Variants in CASP9 observed in about 807,000 individuals in gnomAD.
CASP9 encodes caspase-9.
In CASP9, 29 loss-of-function variants were observed where a neutral mutation model predicts 43.5. That is an observed-to-expected ratio of 0.67 (90% CI 0.50 to 0.91). CASP9 has a LOEUF of 0.91. CASP9 is among the 40% of genes least tolerant of loss of function. The probability of loss-of-function intolerance (pLI) is 0.00; values close to 1 mark genes in which losing one functional copy is unlikely to be tolerated. For missense variants in CASP9, 575 were observed against 537.4 expected (o/e 1.07, Z -0.69); for synonymous variants, 206 against 211.9 (o/e 0.97, Z 0.24).
Position 15,491,532 on chromosome 1 carries a change from C to T in CASP9, c.*1411G>A. 1 of 555,256 alleles carries T rather than the reference C, an allele frequency of 1.8e-6. No individual in the cohort carries two copies. The highest frequency in any genetic ancestry group is 3.2e-6 in the Non-Finnish European group (1 of 316,404). 34.4% of individuals were successfully genotyped at this position (555,256 alleles called of 1,614,324 possible). On this transcript the variant is annotated 3_prime_UTR_variant, in exon 9 of 9. Coordinates refer to ENST00000333868, the MANE Select transcript of CASP9 (RefSeq NM_001229.5). The stretch of plus-strand genomic sequence containing the variant: ...CTGCACTTTGGGAGGCTAAGGCAGG[C>T]TGATCGCTTGAGTCCAGGAGTTCAA...
intron 4 of CASP9, among the ~76,000 whole-genome samples, chr1:15,506,514 A>G (rs1460310169): frequency 6.6e-6 from 1 of 151,690 alleles, no homozygotes; most frequent in African/African-American, 2.4e-5. Flanking sequence ...TGGGCAGAGC[A>G]CTTTCTCGGT....
intron 4 of CASP9, among the ~76,000 whole-genome samples, 161 bp downstream of exon 4, chr1:15,506,738 C>T (rs567023146): frequency 7.4e-4 from 113 of 152,306 alleles, no homozygotes; most frequent in Non-Finnish European, 9.4e-4. Context: ...CGGACTTCTG[C>T]GTCTGAACTT....
At chr1:15,499,958 C>A (rs1003463762) in intron 6 of CASP9, among the ~76,000 whole-genome samples, 2 of 152,106 alleles carry the variant, frequency 1.3e-5, no homozygotes, top group Non-Finnish European at 2.9e-5. Context: ...GAGGTCCTGG[C>A]AGGACTTGTG....
At chr1:15,500,163 GAA>G (rs1005026981) in intron 6 of CASP9, among the ~76,000 whole-genome samples, 1 of 150,694 alleles carries the variant, frequency 6.6e-6, no homozygotes, top group Non-Finnish European at 1.5e-5. Context: ...ACATACTGCA[GAA>G]AAAAAAAGAG....
At chr1:15,508,028 C>G (rs1435046106) in intron 2 of CASP9, 121 bp from the exon 3 acceptor site, 12 of 960,878 alleles carry the variant, frequency 1.2e-5, no homozygotes, top group South Asian at 2.8e-5. Flanking sequence ...TCAGACTCTG[C>G]TGGTGGGAGA....
chr1:15,500,484 C>T (rs1351301514), intron 6 of CASP9, among the ~76,000 whole-genome samples: 9 of 152,192 alleles, frequency 5.9e-5, no homozygotes, highest in African/African-American at 2.2e-4. Context: ...ACAGCTAAAG[C>T]TCAGAAACCA....
chr1:15,508,046 T>C (rs1709592283), intron 2 of CASP9, 139 bp from the exon 3 acceptor site: 6 of 774,694 alleles, frequency 7.7e-6, no homozygotes, highest in Non-Finnish European at 1.3e-5. Flanking sequence ...AGAGCCACCT[T>C]GGAGATCTGT....
At chr1:15,513,082 A>T (rs1709821041) in intron 2 of CASP9, among the ~76,000 whole-genome samples, 1 of 149,916 alleles carries the variant, frequency 6.7e-6, no homozygotes, top group African/African-American at 2.5e-5. Context: ...AATGGCGTGA[A>T]CCCAGGAGGC....
At chr1:15,503,565 T>C (rs1412905368) in intron 6 of CASP9, among the ~76,000 whole-genome samples, 1 of 152,250 alleles carries the variant, frequency 6.6e-6, no homozygotes, top group East Asian at 1.9e-4. Flanking sequence ...TATATACAGA[T>C]GGTGCTCAAT....
intron 1 of CASP9, chr1:15,520,092 T>C (rs1395679822): frequency 6.6e-6 from 1 of 150,562 alleles, no homozygotes; most frequent in Non-Finnish European, 1.5e-5. Flanking sequence ...TGTCCTCAGA[T>C]ACCCAGCACT....
intron 6 of CASP9, among the ~76,000 whole-genome samples, chr1:15,499,158 T>C (rs1709228008): frequency 6.6e-6 from 1 of 152,112 alleles, no homozygotes; most frequent in African/African-American, 2.4e-5. Context: ...AGTTAAGGGG[T>C]TTCCCCCCAG....
At chr1:15,505,844 AAAC>A (rs1709498065) in intron 5 of CASP9, 143 bp downstream of exon 5, 1 of 684,720 alleles carries the variant, frequency 1.5e-6, no homozygotes. Flanking sequence ...GCTCCCAAGA[AAAC>A]AACAGGAGGT....
chr1:15,523,309 T>G (rs185488001), intron 1 of CASP9, among the ~76,000 whole-genome samples: 15 of 152,364 alleles, frequency 9.8e-5, no homozygotes, highest in Non-Finnish European at 1.9e-4. Flanking sequence ...TTAGTCCTTA[T>G]GACAGTATTA....
intron 1 of CASP9, chr1:15,520,043 G>C (rs538250271): frequency 6.6e-6 from 1 of 152,482 alleles, no homozygotes; most frequent in African/African-American, 2.4e-5. Context: ...GGATGGTGGG[G>C]TCAGTCACTA....
At chr1:15,513,696 G>C (rs1709850304) in intron 2 of CASP9, among the ~76,000 whole-genome samples, 2 of 152,098 alleles carry the variant, frequency 1.3e-5, no homozygotes, top group South Asian at 2.1e-4. Flanking sequence ...AACCCAACAG[G>C]TACTTAGTAA....
At chr1:15,513,172 A>C (rs1263208154) in intron 2 of CASP9, among the ~76,000 whole-genome samples, 2 of 151,978 alleles carry the variant, frequency 1.3e-5, no homozygotes, top group African/African-American at 2.4e-5. Flanking sequence ...AAAAAAAAAA[A>C]AAAAACGAAC....
intron 2 of CASP9, among the ~76,000 whole-genome samples, chr1:15,516,008 C>T (rs1310549144): frequency 2.0e-5 from 3 of 152,042 alleles, no homozygotes; most frequent in Non-Finnish European, 2.9e-5. Flanking sequence ...TCAAGATCAG[C>T]CTAGGCAACA....
intron 3 of CASP9, 94 bp downstream of exon 3, chr1:15,507,779 T>C: frequency 4.6e-6 from 6 of 1,293,238 alleles, no homozygotes; most frequent in East Asian, 4.6e-5. Context: ...TTGGGTTCCC[T>C]GGGCTCCTGA....
intron 2 of CASP9, among the ~76,000 whole-genome samples, chr1:15,510,632 C>A (rs1416256636): frequency 1.3e-5 from 2 of 152,030 alleles, no homozygotes; most frequent in Non-Finnish European, 2.9e-5. Context: ...GCAAATCAAC[C>A]AAGGGGTGCC....
Sources: allele counts gnomAD v4.1 joint callset (sites outside exome capture counted in the v4.1 genomes callset), GRCh38; gene constraint gnomAD v4.1.1; transcripts MANE v1.5; gene names NCBI Gene and HGNC (gene_info 2026-07-23, HGNC 2026-07-21).